MACROH2A1: variants seen among roughly 807,000 people sequenced by gnomAD.
The protein encoded by MACROH2A1 is macroH2A.1 histone, also known as core histone macro-H2A.1.
MACROH2A1 carries 2 observed loss-of-function variants against 31.6 expected under a neutral mutation model. The observed-to-expected ratio is 0.06, with a 90% CI of 0.03 to 0.20. The LOEUF is 0.20. Among genes scored for constraint, MACROH2A1 ranks in the 10% least tolerant of loss-of-function variants. The pLI is 1.00. For synonymous variants in MACROH2A1, 169 were observed against 189.6 expected, an observed-to-expected ratio of 0.89 and a Z score of 0.89; for missense variants, 230 against 474.0, an observed-to-expected ratio of 0.49 and a Z score of 4.78.
Position 135,343,444 on chromosome 5 carries a change from C to T in MACROH2A1, c.779-10G>A, listed in dbSNP as rs201476596. 11 of 1,612,742 alleles carry T rather than the reference C, an allele frequency of 6.8e-6. No individual in the cohort carries two copies. Among genetic ancestry groups the T allele is most frequent in the South Asian group, 2.2e-5 (2 of 91,054 alleles). On this transcript the variant is annotated splice_polypyrimidine_tract_variant and intron_variant, in intron 7 of 8. Transcript: ENST00000511689. ...CCTGCGCTGACAGCAGCTAGTGGTG[C>T]GGGGATGAAACAGAAACAGTGAGCT...
At position 135,334,947 on chromosome 5, in the gene MACROH2A1, T is replaced by C; in HGVS notation, c.*29A>G. On this transcript the variant is annotated 3_prime_UTR_variant, in exon 9 of 9. Coordinates refer to ENST00000511689, the MANE Select transcript of MACROH2A1 (RefSeq NM_138610.3). ...TCTTTTAAACTGAAGGTGGGGTACA[T>C]GGTGCAGCTGGTTCTGTCATTGCTC... 1 of 1,588,638 alleles carries C rather than the reference T, an allele frequency of 6.3e-7. No individual in the cohort carries two copies.
At chr5:135,358,306 A>C (rs752452173) in intron 5 of MACROH2A1, 43 of 985,306 alleles carry the variant, frequency 4.4e-5, no homozygotes, top group Non-Finnish European at 5.2e-5. Flanking sequence ...CTAGTTTCTA[A>C]CACTGGTGCT....
At chr5:135,385,700 G>C (rs1201689932) in intron 2 of MACROH2A1, among the ~76,000 whole-genome samples, 1 of 152,162 alleles carries the variant, frequency 6.6e-6, no homozygotes, top group African/African-American at 2.4e-5. Flanking sequence ...TGTGGGGCTG[G>C]CTGGCACCTC....
intron 2 of MACROH2A1, among the ~76,000 whole-genome samples, chr5:135,381,656 C>T (rs1266047206): frequency 2.0e-5 from 3 of 152,126 alleles, no homozygotes; most frequent in Non-Finnish European, 4.4e-5. Context: ...TGAAATAGGA[C>T]TTCTATAAAT....
intron 6 of MACROH2A1, chr5:135,350,694 G>A: frequency 3.3e-6 from 2 of 600,370 alleles, no homozygotes; most frequent in South Asian, 4.0e-5. Flanking sequence ...CCAGGGACAG[G>A]AGACAGGGTC....
intron 1 of MACROH2A1, among the ~76,000 whole-genome samples, chr5:135,390,396 C>A (rs1767052582): frequency 1.3e-5 from 2 of 152,190 alleles, no homozygotes; most frequent in Non-Finnish European, 2.9e-5. Context: ...GCATCCTGTT[C>A]ATTTATGCAT....
chr5:135,338,352 T>C (rs907030466), intron 8 of MACROH2A1, among the ~76,000 whole-genome samples: 25 of 152,216 alleles, frequency 1.6e-4, no homozygotes, highest in African/African-American at 6.0e-4. Flanking sequence ...AATCAGAGTC[T>C]GGGACAAGAA....
intron 4 of MACROH2A1, among the ~76,000 whole-genome samples, chr5:135,368,366 T>A (rs1399265536): frequency 1.3e-5 from 2 of 152,246 alleles, no homozygotes; most frequent in African/African-American, 4.8e-5. Flanking sequence ...GTCCTCACTG[T>A]CTCACTCAGG....
chr5:135,375,281 T>C (rs1764709511), intron 2 of MACROH2A1, among the ~76,000 whole-genome samples: 1 of 152,224 alleles, frequency 6.6e-6, no homozygotes, highest in African/African-American at 2.4e-5. Flanking sequence ...AGGGACATCC[T>C]GGGCCAAACG....
chr5:135,383,095 C>A (rs1765874494), intron 2 of MACROH2A1, among the ~76,000 whole-genome samples: 1 of 152,182 alleles, frequency 6.6e-6, no homozygotes, highest in African/African-American at 2.4e-5. Flanking sequence ...AACTTGCTGG[C>A]CATATAATAC....
chr5:135,377,618 C>T (rs1765067552), intron 2 of MACROH2A1, among the ~76,000 whole-genome samples: 1 of 152,216 alleles, frequency 6.6e-6, no homozygotes, highest in African/African-American at 2.4e-5. Context: ...CAGCTTCGCC[C>T]ACTGGGAGCA....
At chr5:135,378,665 T>G (rs1337781902) in intron 2 of MACROH2A1, among the ~76,000 whole-genome samples, 3 of 152,064 alleles carry the variant, frequency 2.0e-5, no homozygotes, top group African/African-American at 7.3e-5. Context: ...CTGTGTGATT[T>G]TGGAGAAGTT....
At chr5:135,368,782 G>A (rs1217748346) in intron 4 of MACROH2A1, among the ~76,000 whole-genome samples, 1 of 152,194 alleles carries the variant, frequency 6.6e-6, no homozygotes, top group Admixed American at 6.5e-5. Context: ...TCCACACTGA[G>A]GATCATGACC....
intron 8 of MACROH2A1, among the ~76,000 whole-genome samples, chr5:135,339,981 A>G (rs1373572289): frequency 2.0e-5 from 3 of 152,222 alleles, no homozygotes; most frequent in African/African-American, 7.2e-5. Context: ...TCTGAGGCCA[A>G]TGCTTAGGAG....
chr5:135,355,325 G>C (rs1762050433), intron 5 of MACROH2A1: 1 of 451,836 alleles, frequency 2.2e-6, no homozygotes, highest in African/African-American at 2.0e-5. Flanking sequence ...CCCCACTCTT[G>C]GAAGTGCAGA....
At position 135,389,068 on chromosome 5, in the gene MACROH2A1, T is replaced by G. The variant is rs1766826926; in HGVS notation, c.26A>C (p.Lys9Thr). 1 of 1,613,550 alleles carries G rather than the reference T, an allele frequency of 6.2e-7. No homozygotes were observed. Among genetic ancestry groups the G allele is most frequent in the African/African-American group, 1.3e-5 (1 of 74,936 alleles). MSSRGGKK[K>T]STKTSRSAKA... ...GGCAGACCTGGACGTCTTGGTGGAC[T>G]TCTTCTTCCCACCGCGGCTCGACAT... is the stretch of plus-strand genomic sequence containing the variant. The change falls in exon 2 of 9, where the codon AAG becomes ACG. Residue 9 changes from lysine (K) to threonine (T), a missense_variant. By Grantham distance (78) the Lys-to-Thr change is moderately conservative (BLOSUM62 -1). Around this residue, in one of 2 missense-constraint regions of MACROH2A1, gnomAD observed 47 missense variants for 154.7 expected, o/e 0.30. Transcript: ENST00000511689.
intron 6 of MACROH2A1, chr5:135,351,113 T>A: frequency 2.2e-6 from 1 of 459,750 alleles, no homozygotes; most frequent in Non-Finnish European, 3.9e-6. Context: ...ATGTGACATG[T>A]TTAAATTAAA....
chr5:135,389,646 C>T (rs958560109), intron 1 of MACROH2A1, among the ~76,000 whole-genome samples: 2 of 152,158 alleles, frequency 1.3e-5, no homozygotes, highest in African/African-American at 4.8e-5. Flanking sequence ...GTAAGAGGCC[C>T]TCTGAGCACT....
At chr5:135,371,399 T>A (rs1764162779) in intron 2 of MACROH2A1, among the ~76,000 whole-genome samples, 1 of 152,242 alleles carries the variant, frequency 6.6e-6, no homozygotes, top group Admixed American at 6.5e-5. Context: ...ATTCTTGACA[T>A]TCTGTATGTT....
Sources: allele counts gnomAD v4.1 joint callset (sites outside exome capture counted in the v4.1 genomes callset), GRCh38; gene constraint gnomAD v4.1.1; regional missense constraint gnomAD v4.1.1; transcripts MANE v1.5; gene names NCBI Gene and HGNC (gene_info 2026-07-23, HGNC 2026-07-21).